The following SLC4A10 variants were observed in gnomAD, a reference collection of about 807,000 sequenced individuals.
SLC4A10 encodes the protein sodium-driven chloride bicarbonate exchanger.
In SLC4A10, 42 loss-of-function variants were observed where a neutral mutation model predicts 137.7. That is an observed-to-expected ratio of 0.30 (90% CI 0.24 to 0.39). The LOEUF (loss-of-function observed/expected upper bound fraction) is 0.39. SLC4A10 is among the 10% of genes least tolerant of loss of function. The pLI, the probability that SLC4A10 is intolerant of heterozygous loss-of-function variation, is 1.00. For missense variants in SLC4A10, 925 were observed against 1,355.0 expected, an observed-to-expected ratio of 0.68 and a Z score of 4.98; for synonymous variants, 474 against 464.1, an observed-to-expected ratio of 1.02 and a Z score of -0.27.
At chr2:161,662,655 C>T (rs1484519636) in intron 1 of SLC4A10, among the ~76,000 whole-genome samples, 2 of 152,292 alleles carry the variant, frequency 1.3e-5, no homozygotes, top group East Asian at 3.9e-4. Context: ...ATTTCAACTT[C>T]ACTCACAGCA....
At chr2:161,831,232 C>T (rs1253410189) in intron 3 of SLC4A10, among the ~76,000 whole-genome samples, 1 of 152,094 alleles carries the variant, frequency 6.6e-6, no homozygotes, top group Non-Finnish European at 1.5e-5. Context: ...CACCTTTGCC[C>T]TCTGAAATAC....
intron 4 of SLC4A10, 72 bp downstream of exon 4, chr2:161,839,999 G>A: frequency 2.5e-6 from 4 of 1,577,634 alleles, no homozygotes; most frequent in Non-Finnish European, 3.5e-6. Flanking sequence ...GATTTCTAAT[G>A]CAACAATTTT....
intron 2 of SLC4A10, among the ~76,000 whole-genome samples, chr2:161,773,772 G>A (rs2051971814): frequency 6.6e-6 from 1 of 151,798 alleles, no homozygotes; most frequent in Non-Finnish European, 1.5e-5. Flanking sequence ...TCTGCTAAAT[G>A]ATATATCAAA....
intron 1 of SLC4A10, among the ~76,000 whole-genome samples, chr2:161,731,825 C>G (rs984427142): frequency 9.2e-5 from 14 of 152,014 alleles, no homozygotes; most frequent in African/African-American, 3.4e-4. Context: ...GGCTGTTTTC[C>G]TGTCAAAATT....
At chr2:161,957,633 T>TTTGGAA (rs1282498284) in intron 20 of SLC4A10, among the ~76,000 whole-genome samples, 2 of 152,284 alleles carry the variant, frequency 1.3e-5, no homozygotes, top group Admixed American at 1.3e-4. Flanking sequence ...TTACTTACTA[T>TTTGGAA]TAATAAGAGA....
At chr2:161,965,299 C>G (rs1194678602) in intron 23 of SLC4A10, 126 bp downstream of exon 23, 1 of 854,964 alleles carries the variant, frequency 1.2e-6, no homozygotes, top group South Asian at 2.0e-5. Context: ...CTAACAACCA[C>G]AAGTAGACTA....
intron 19 of SLC4A10, among the ~76,000 whole-genome samples, chr2:161,956,468 G>T (rs1404327519): frequency 6.6e-6 from 1 of 152,154 alleles, no homozygotes; most frequent in African/African-American, 2.4e-5. Context: ...TTCCTGCAGG[G>T]TATGGAGGGA....
At chr2:161,980,713 T>A (rs765504800) in intron 26 of SLC4A10, among the ~76,000 whole-genome samples, 7 of 152,226 alleles carry the variant, frequency 4.6e-5, no homozygotes, top group Non-Finnish European at 8.8e-5. Flanking sequence ...CTTAGCATCA[T>A]GACAGTACCA....
intron 23 of SLC4A10, among the ~76,000 whole-genome samples, chr2:161,973,669 A>G (rs1328578614): frequency 6.6e-6 from 1 of 152,132 alleles, no homozygotes; most frequent in Non-Finnish European, 1.5e-5. Context: ...AACTCTCTAG[A>G]GTAGTGGTTC....
At chr2:161,905,434 CACCTCCTGCTGTGCA>C (rs1445969488) in intron 14 of SLC4A10, among the ~76,000 whole-genome samples, 193 bp from the exon 15 acceptor site, 2 of 152,202 alleles carry the variant, frequency 1.3e-5, no homozygotes, top group Non-Finnish European at 2.9e-5. Context: ...GCCTGCCACT[CACCTCCTGCTGTGCA>C]ACCCTTTTCA....
At chr2:161,951,228 A>G (rs1429108957) in intron 19 of SLC4A10, among the ~76,000 whole-genome samples, 4 of 152,158 alleles carry the variant, frequency 2.6e-5, no homozygotes, top group Non-Finnish European at 5.9e-5. Context: ...TATCTATTAC[A>G]TTGAATTCAT....
intron 1 of SLC4A10, among the ~76,000 whole-genome samples, chr2:161,753,561 G>C (rs1173080172): frequency 6.6e-6 from 1 of 152,088 alleles, no homozygotes; most frequent in Non-Finnish European, 1.5e-5. Flanking sequence ...AAGTGGAGAC[G>C]ATATCCTATG....
rs756924557 is a variant in SLC4A10, at chr2:161,983,258, T to C, written c.*106T>C. 3.2e-5 allele frequency: 49 copies of C among 1,533,500 alleles called. No homozygotes were observed. Among genetic ancestry groups the C allele is most frequent in the Non-Finnish European group, 3.5e-6 (4 of 1,144,654 alleles). The allele number at this position is 1,533,500 out of a possible 1,614,324, so 95.0% of individuals were successfully genotyped here. On this transcript the variant is annotated 3_prime_UTR_variant, in exon 27 of 27. Coordinates refer to ENST00000446997, the MANE Select transcript of SLC4A10 (RefSeq NM_001178015.2). ...GACTTGTCTATGACTCGATCTTCAA[T>C]TTATTTTTTACATATATATGAGAAG...
rs556026117 is a variant in SLC4A10, at chr2:161,658,506, G to T, written c.48+33940G>T. Reference sequence around the variant, plus strand: ...ATTTGCACACAGTATGGTGAATTTTGCTTACATTATATTTATGATTATGAC... The same window carrying T: ...ATTTGCACACAGTATGGTGAATTTTTCTTACATTATATTTATGATTATGAC... On this transcript the variant is annotated intron_variant, in intron 1 of 26. Transcript: ENST00000446997. Among the ~76,000 whole-genome samples, 313 of 151,648 alleles carry T rather than the reference G, an allele frequency of 2.1e-3. 1 individual carries two copies. The highest frequency in any genetic ancestry group is 7.1e-3 in the African/African-American group (295 of 41,324).
intron 19 of SLC4A10, among the ~76,000 whole-genome samples, chr2:161,956,084 A>G (rs933716866): frequency 6.6e-6 from 1 of 152,228 alleles, no homozygotes; most frequent in African/African-American, 2.4e-5. Context: ...TTGAAACCTA[A>G]TGAGTACAAA....
chr2:161,688,970 T>G (rs2041710303), intron 1 of SLC4A10, among the ~76,000 whole-genome samples: 1 of 152,054 alleles, frequency 6.6e-6, no homozygotes, highest in Non-Finnish European at 1.5e-5. Flanking sequence ...GCCTTAGTTC[T>G]TAACAAAAAA....
At chr2:161,739,327 C>G (rs1465382836) in intron 1 of SLC4A10, among the ~76,000 whole-genome samples, 1 of 152,166 alleles carries the variant, frequency 6.6e-6, no homozygotes, top group Non-Finnish European at 1.5e-5. Context: ...GGCATGTAAG[C>G]TAGTCTTTCA....
At chr2:161,856,151 T>G (rs1307552005) in intron 5 of SLC4A10, among the ~76,000 whole-genome samples, 3 of 152,058 alleles carry the variant, frequency 2.0e-5, no homozygotes, top group Non-Finnish European at 2.9e-5. Context: ...AGCCTAGTGT[T>G]TTTTCTATTA....
rs1158926193 is a variant in SLC4A10, at chr2:161,952,105, A to G, written c.2541+1257A>G. On this transcript the variant is annotated intron_variant, in intron 19 of 26. Transcript: ENST00000446997. ...GCCTTTATAATTAGGCAGAAATTCT[A>G]GTGTGTTCACTGAAAAATTATCCTC... Among the ~76,000 whole-genome samples the G allele has an allele frequency of 5.9e-5, 9 of 152,282 alleles. No individual in the cohort carries two copies. The East Asian group carries it at 1.7e-3, about 29-fold the overall frequency.
Sources: allele counts gnomAD v4.1 joint callset (sites outside exome capture counted in the v4.1 genomes callset), GRCh38; gene constraint gnomAD v4.1.1; transcripts MANE v1.5; gene names NCBI Gene and HGNC (gene_info 2026-07-23, HGNC 2026-07-21).